The following DCHS2 variants were observed in gnomAD, a reference collection of about 807,000 sequenced individuals.
The protein encoded by DCHS2 is dachsous cadherin-related 2, also known as protocadherin-23.
Under a neutral mutation model 182.4 loss-of-function variants are expected in DCHS2, and 142 were observed. The observed-to-expected ratio is 0.78, with a 90% CI of 0.68 to 0.89. DCHS2 has a LOEUF of 0.89. Among genes scored for constraint, DCHS2 ranks in the 40% least tolerant of loss-of-function variants. The pLI is 0.00. For synonymous variants in DCHS2, 1,740 were observed against 1,663.3 expected, an observed-to-expected ratio of 1.05 and a Z score of -1.12; for missense variants, 4,319 against 4,198.6, an observed-to-expected ratio of 1.03 and a Z score of -0.79.
chr4:154,363,758 C>A (rs764093057), intron 3 of DCHS2, among the ~76,000 whole-genome samples: 4 of 152,298 alleles, frequency 2.6e-5, no homozygotes, highest in Non-Finnish European at 4.4e-5. Flanking sequence ...TGTTAACCAG[C>A]TTGATTTAAT....
chr4:154,440,976 C>T (rs1022804021), intron 1 of DCHS2, among the ~76,000 whole-genome samples: 1 of 152,206 alleles, frequency 6.6e-6, no homozygotes, highest in Admixed American at 6.5e-5. Context: ...ACATATATCT[C>T]ACCAGTAAGT....
intron 3 of DCHS2, among the ~76,000 whole-genome samples, chr4:154,342,322 G>A (rs1033648374): frequency 1.3e-5 from 2 of 152,198 alleles, no homozygotes; most frequent in African/African-American, 4.8e-5. Flanking sequence ...CAGTGTGGTG[G>A]TTACTGAAGG....
At chr4:154,373,926 C>T (rs777346868) in intron 2 of DCHS2, 47 of 1,603,150 alleles carry the variant, frequency 2.9e-5, no homozygotes, top group Non-Finnish European at 3.8e-5. Context: ...TTACCTTCAC[C>T]AGGGCTAAAT....
At chr4:154,434,133 C>A (rs183152984) in intron 1 of DCHS2, among the ~76,000 whole-genome samples, 1 of 152,242 alleles carries the variant, frequency 6.6e-6, no homozygotes, top group East Asian at 1.9e-4. Flanking sequence ...ACATGAAATT[C>A]AAAAACTGGC....
intron 7 of DCHS2, among the ~76,000 whole-genome samples, chr4:154,326,031 T>C (rs1736268363): frequency 6.6e-6 from 1 of 152,234 alleles, no homozygotes; most frequent in Non-Finnish European, 1.5e-5. Flanking sequence ...TACCATATTA[T>C]GCAGACAACT....
intron 1 of DCHS2, among the ~76,000 whole-genome samples, chr4:154,448,944 G>C (rs1192643636): frequency 6.6e-6 from 1 of 152,096 alleles, no homozygotes. Context: ...ACTTCCATCT[G>C]TGTGATTGTA....
At chr4:154,311,665 G>A (rs1411557944) in intron 10 of DCHS2, among the ~76,000 whole-genome samples, 1 of 152,146 alleles carries the variant, frequency 6.6e-6, no homozygotes, top group African/African-American at 2.4e-5. Flanking sequence ...AACAGTGAGG[G>A]CAGCTTGAGG....
At position 154,472,901 on chromosome 4, in the gene DCHS2, T is replaced by G. The variant is rs540026987; in HGVS notation, c.2052+16403A>C. ...TAACATTTCAGTTAGAAACCAAATT[T>G]GAAAATCATTCAACAGAAATGTATA... On this transcript the variant is annotated intron_variant, in intron 1 of 19. Transcript: ENST00000357232. 3.9e-5 allele frequency among the ~76,000 whole-genome samples: 6 copies of G among 152,266 alleles called. No homozygotes were observed. The South Asian group carries it at 1.2e-3, about 32-fold the overall frequency.
At chr4:154,388,466 C>A (rs1364371784) in intron 1 of DCHS2, among the ~76,000 whole-genome samples, 1 of 147,106 alleles carries the variant, frequency 6.8e-6, no homozygotes, top group Non-Finnish European at 1.5e-5. Context: ...CCATTCATTT[C>A]TTTCCCAAAT....
At chr4:154,442,164 A>AC (rs1247144063) in intron 1 of DCHS2, among the ~76,000 whole-genome samples, 1 of 152,088 alleles carries the variant, frequency 6.6e-6, no homozygotes, top group East Asian at 1.9e-4. Flanking sequence ...TCCCAGTCAG[A>AC]CCACCACTTA....
Position 154,489,702 on chromosome 4 carries a change from C to T in DCHS2, c.1654G>A (p.Ala552Thr), listed in dbSNP as rs916768126. The T allele has an allele frequency of 7.1e-6, 11 of 1,551,702 alleles. No homozygotes were observed. The highest frequency in any genetic ancestry group is 2.0e-5 in the Admixed American group (1 of 51,012). The change falls in exon 1 of 20, where the codon GCG (alanine) becomes ACG (threonine). Residue 552 changes from alanine to threonine, a missense_variant. Coordinates refer to ENST00000357232, the MANE Select transcript of DCHS2 (RefSeq NM_001358235.2). ...CACATGACTACAGTGCCAGGGGCCGCGGCCTCGGACACTGAGGCCTTGTAA... is the reference window on the plus strand; with the variant it reads ...CACATGACTACAGTGCCAGGGGCCGTGGCCTCGGACACTGAGGCCTTGTAA... ...QHYKASVSEA[A>T]APGTVVMWVS...
At chr4:154,459,761 TC>T (rs1484878504) in intron 1 of DCHS2, among the ~76,000 whole-genome samples, 7 of 151,558 alleles carry the variant, frequency 4.6e-5, no homozygotes, top group African/African-American at 1.7e-4. Context: ...TCTCTCTCTC[TC>T]TCTCTCTCTC....
intron 1 of DCHS2, among the ~76,000 whole-genome samples, chr4:154,460,309 A>T (rs1018324692): frequency 6.6e-6 from 1 of 152,218 alleles, no homozygotes; most frequent in Non-Finnish European, 1.5e-5. Flanking sequence ...GATTTTGTCA[A>T]TGCTGATACA....
chr4:154,297,742 T>TA, intron 13 of DCHS2, 109 bp downstream of exon 13: 2 of 1,490,256 alleles, frequency 1.3e-6, no homozygotes, highest in Non-Finnish European at 1.8e-6. Context: ...GGCATTGAAC[T>TA]AAAAAATGTA....
chr4:154,472,538 T>G (rs549673506), intron 1 of DCHS2, among the ~76,000 whole-genome samples: 37 of 152,204 alleles, frequency 2.4e-4, no homozygotes, highest in Non-Finnish European at 4.3e-4. Flanking sequence ...CCCCTAAACT[T>G]TTGGCATACA....
intron 17 of DCHS2, among the ~76,000 whole-genome samples, 159 bp from the exon 18 acceptor site, chr4:154,240,982 A>T (rs775490334): frequency 6.6e-6 from 1 of 152,188 alleles, no homozygotes; most frequent in Non-Finnish European, 1.5e-5. Flanking sequence ...CTGAACAAAA[A>T]CTCTGAAGAA....
intron 1 of DCHS2, among the ~76,000 whole-genome samples, chr4:154,385,968 A>G (rs1731394769): frequency 6.6e-6 from 1 of 151,954 alleles, no homozygotes; most frequent in Admixed American, 6.6e-5. Flanking sequence ...TCCTATGCCA[A>G]CTCACACCTC....
chr4:154,371,911 A>G (rs1046890096), intron 2 of DCHS2, among the ~76,000 whole-genome samples: 2 of 152,190 alleles, frequency 1.3e-5, no homozygotes, highest in Admixed American at 6.5e-5. Context: ...ACCTGCCACA[A>G]GGCCCTACCT....
At chr4:154,373,103 T>C (rs938903912) in intron 2 of DCHS2, among the ~76,000 whole-genome samples, 17 of 152,206 alleles carry the variant, frequency 1.1e-4, no homozygotes, top group African/African-American at 4.1e-4. Flanking sequence ...TTTATTGGTT[T>C]AAATAAACTC....
Sources: gnomAD v4.1 joint callset for allele counts (sites outside exome capture counted in the v4.1 genomes callset) on GRCh38, gnomAD v4.1.1 for gene constraint, MANE v1.5 for transcripts, NCBI Gene and HGNC (gene_info 2026-07-23, HGNC 2026-07-21) for gene names.